The following CCBE1 variants were observed in gnomAD, a reference collection of about 807,000 sequenced individuals.
The protein encoded by CCBE1 is collagen and calcium-binding EGF domain-containing protein 1.
In CCBE1, 37 loss-of-function variants were observed where a neutral mutation model predicts 50.0. That is an observed-to-expected ratio of 0.74 (90% CI 0.57 to 0.97). The LOEUF is 0.97. CCBE1 is among the 50% of genes least tolerant of loss of function. The probability of loss-of-function intolerance (pLI) is 0.00; values close to 1 mark genes in which losing one functional copy is unlikely to be tolerated. For missense variants in CCBE1, 538 were observed against 523.8 expected, an observed-to-expected ratio of 1.03 and a Z score of -0.26; for synonymous variants, 234 against 203.7, an observed-to-expected ratio of 1.15 and a Z score of -1.27.
chr18:59,511,563 G>C (rs1914133105), intron 2 of CCBE1, among the ~76,000 whole-genome samples: 1 of 152,182 alleles, frequency 6.6e-6, no homozygotes, highest in Non-Finnish European at 1.5e-5. Flanking sequence ...GATTAAATCT[G>C]GGTAAGTGGG....
chr18:59,474,437 C>G (rs1045140682), intron 3 of CCBE1, among the ~76,000 whole-genome samples: 4 of 152,200 alleles, frequency 2.6e-5, no homozygotes, highest in African/African-American at 9.7e-5. Flanking sequence ...TTTCTTAAGA[C>G]CTTTTCCTTG....
At chr18:59,503,311 T>C (rs774892699) in intron 2 of CCBE1, among the ~76,000 whole-genome samples, 5 of 152,206 alleles carry the variant, frequency 3.3e-5, no homozygotes, top group Non-Finnish European at 7.4e-5. Context: ...GTGCATGTTA[T>C]GGAGCCGATC....
At chr18:59,576,256 G>A (rs1429584) in intron 2 of CCBE1, among the ~76,000 whole-genome samples, 24,955 of 152,158 alleles carry the variant, frequency 0.16, 3,055 homozygotes, top group African/African-American at 0.35. Flanking sequence ...GAGTGTGTGT[G>A]AACAAATGTT....
At chr18:59,637,338 G>A (rs538625191) in intron 2 of CCBE1, among the ~76,000 whole-genome samples, 2 of 152,062 alleles carry the variant, frequency 1.3e-5, no homozygotes, top group South Asian at 2.1e-4. Context: ...AAAATTAGAC[G>A]CTTTGCTAAA....
chr18:59,654,778 G>A (rs1327712147), intron 2 of CCBE1, among the ~76,000 whole-genome samples: 1 of 129,720 alleles, frequency 7.7e-6, no homozygotes, highest in African/African-American at 2.9e-5. Flanking sequence ...GTGACAGAGT[G>A]AGACTCCGTC....
intron 2 of CCBE1, among the ~76,000 whole-genome samples, chr18:59,655,569 C>A (rs571351348): frequency 6.6e-6 from 1 of 152,352 alleles, no homozygotes; most frequent in African/African-American, 2.4e-5. Context: ...CCCCTCAGCT[C>A]TGCTCCTGTA....
intron 2 of CCBE1, among the ~76,000 whole-genome samples, chr18:59,683,932 C>T (rs1028893427): frequency 2.0e-5 from 3 of 151,894 alleles, no homozygotes; most frequent in Non-Finnish European, 4.4e-5. Flanking sequence ...CCTCAAACCC[C>T]TCCCTTCCCT....
At chr18:59,620,793 T>G (rs1455922082) in intron 2 of CCBE1, among the ~76,000 whole-genome samples, 1 of 152,230 alleles carries the variant, frequency 6.6e-6, no homozygotes, top group Non-Finnish European at 1.5e-5. Flanking sequence ...CATGTGGAAC[T>G]GTGAGTCCAT....
intron 2 of CCBE1, among the ~76,000 whole-genome samples, chr18:59,617,827 G>A (rs1042372996): frequency 6.6e-6 from 1 of 152,142 alleles, no homozygotes; most frequent in Non-Finnish European, 1.5e-5. Context: ...CTCCACCTCC[G>A]AAAATCCTGT....
At chr18:59,531,569 G>C (rs569823129) in intron 2 of CCBE1, among the ~76,000 whole-genome samples, 2 of 152,020 alleles carry the variant, frequency 1.3e-5, no homozygotes, top group East Asian at 3.9e-4. Context: ...GCAACACAGC[G>C]AGATCCTATC....
chr18:59,481,008 A>T (rs1334547766), intron 2 of CCBE1, among the ~76,000 whole-genome samples: 1 of 152,214 alleles, frequency 6.6e-6, no homozygotes, highest in Non-Finnish European at 1.5e-5. Flanking sequence ...AAGACAATCA[A>T]TGCTGCAATC....
chr18:59,462,877 C>T lies in CCBE1; in HGVS notation c.553+3862G>A, dbSNP rs185878370. Reference sequence around the variant, plus strand: ...TCATGTGGGGAAATGCTGCAGTAAACGGTGGAGATAAAATATGCCTTTAAC... The same window carrying T: ...TCATGTGGGGAAATGCTGCAGTAAATGGTGGAGATAAAATATGCCTTTAAC... On this transcript the variant is annotated intron_variant, in intron 5 of 10. Coordinates refer to ENST00000439986, the MANE Select transcript of CCBE1 (RefSeq NM_133459.4). Among the ~76,000 whole-genome samples, 280 of 152,232 alleles carry T rather than the reference C, an allele frequency of 1.8e-3. 2 individuals carry two copies. The highest frequency in any genetic ancestry group is 5.3e-3 in the Admixed American group (81 of 15,300).
At chr18:59,461,971 C>T (rs939718247) in intron 5 of CCBE1, among the ~76,000 whole-genome samples, 8 of 152,112 alleles carry the variant, frequency 5.3e-5, no homozygotes, top group East Asian at 3.9e-4. Context: ...TGACCTCAGG[C>T]GTTCCTACCG....
intron 2 of CCBE1, among the ~76,000 whole-genome samples, chr18:59,598,360 C>G (rs867415812): frequency 1.3e-5 from 2 of 152,206 alleles, no homozygotes. Context: ...GAAGCAGAAT[C>G]GCACTGCCAC....
At chr18:59,566,765 C>G (rs1159803968) in intron 2 of CCBE1, among the ~76,000 whole-genome samples, 2 of 152,138 alleles carry the variant, frequency 1.3e-5, no homozygotes, top group African/African-American at 4.8e-5. Context: ...AATGCTATCA[C>G]CACTCTCTTT....
chr18:59,641,481 C>A (rs1429587), intron 2 of CCBE1, among the ~76,000 whole-genome samples: 149,393 of 152,186 alleles, frequency 0.98, 73,355 homozygotes, highest in East Asian at 1. Context: ...AGGACCGAAA[C>A]ACTACCTATT....
At chr18:59,448,259 C>T (rs917148573) in intron 6 of CCBE1, among the ~76,000 whole-genome samples, 156 bp from the exon 7 acceptor site, 1 of 152,110 alleles carries the variant, frequency 6.6e-6, no homozygotes, top group African/African-American at 2.4e-5. Context: ...TAAAGAGCCT[C>T]TTTCTAAACC....
intron 2 of CCBE1, among the ~76,000 whole-genome samples, chr18:59,606,901 G>T (rs1281265167): frequency 6.6e-6 from 1 of 152,156 alleles, no homozygotes; most frequent in Non-Finnish European, 1.5e-5. Flanking sequence ...TCATGCTTCT[G>T]CTGTGACACT....
At chr18:59,471,274 C>G (rs1912022751) in intron 3 of CCBE1, among the ~76,000 whole-genome samples, 1 of 152,236 alleles carries the variant, frequency 6.6e-6, no homozygotes, top group African/African-American at 2.4e-5. Context: ...TCTTTCTATA[C>G]TCACTTCTGC....
Sources: allele counts gnomAD v4.1 joint callset (sites outside exome capture counted in the v4.1 genomes callset), GRCh38; gene constraint gnomAD v4.1.1; transcripts MANE v1.5; gene names NCBI Gene and HGNC (gene_info 2026-07-23, HGNC 2026-07-21).